The following MED12L variants were observed in gnomAD, a reference collection of about 807,000 sequenced individuals.
MED12L encodes mediator of RNA polymerase II transcription subunit 12-like protein.
MED12L carries 60 observed loss-of-function variants against 281.3 expected under a neutral mutation model. The ratio of observed to expected loss-of-function variants is 0.21; its 90% CI spans 0.17 to 0.26. The LOEUF (loss-of-function observed/expected upper bound fraction) is 0.26. Ranked by LOEUF, MED12L falls within the 10% of genes least tolerant of loss-of-function variation. The pLI is 1.00. For synonymous variants in MED12L, 974 were observed against 987.2 expected, an observed-to-expected ratio of 0.99 and a Z score of 0.25; for missense variants, 2,146 against 2,680.9, an observed-to-expected ratio of 0.80 and a Z score of 4.41.
chr3:151,200,681 G>A (rs887902420), intron 16 of MED12L, among the ~76,000 whole-genome samples: 10 of 152,102 alleles, frequency 6.6e-5, no homozygotes, highest in Non-Finnish European at 1.5e-4. Flanking sequence ...GCTGCTTAAA[G>A]GCTACATGCC....
intron 16 of MED12L, among the ~76,000 whole-genome samples, chr3:151,229,565 G>A (rs867082552): frequency 4.9e-5 from 7 of 143,570 alleles, no homozygotes; most frequent in Non-Finnish European, 9.0e-5. Flanking sequence ...TGCAAGATCC[G>A]CCTCCCGGGT....
chr3:151,205,548 A>C (rs1400805415), intron 16 of MED12L, among the ~76,000 whole-genome samples: 1 of 152,162 alleles, frequency 6.6e-6, no homozygotes, highest in African/African-American at 2.4e-5. Flanking sequence ...CATGGAAGCC[A>C]TTTGGAACTA....
At chr3:151,351,818 T>C (rs1202816994) in intron 17 of MED12L, among the ~76,000 whole-genome samples, 3 of 152,188 alleles carry the variant, frequency 2.0e-5, no homozygotes, top group South Asian at 2.1e-4. Flanking sequence ...CAATGTGGTA[T>C]CCTTTTCTGT....
intron 16 of MED12L, among the ~76,000 whole-genome samples, chr3:151,309,965 A>G (rs1359387356): frequency 6.6e-6 from 1 of 152,150 alleles, no homozygotes; most frequent in Non-Finnish European, 1.5e-5. Context: ...AGACAAGAGT[A>G]GGAATTGGCC....
At chr3:151,287,372 G>T (rs530350716) in intron 16 of MED12L, among the ~76,000 whole-genome samples, 1 of 152,320 alleles carries the variant, frequency 6.6e-6, no homozygotes, top group South Asian at 2.1e-4. Context: ...TACCAGGCCA[G>T]GCAGGGCAGA....
At chr3:151,426,338 T>G (rs550712444) in intron 43 of MED12L, among the ~76,000 whole-genome samples, 1 of 152,318 alleles carries the variant, frequency 6.6e-6, no homozygotes, top group South Asian at 2.1e-4. Context: ...GTTCAGTTCT[T>G]CACAGGAGGG....
At chr3:151,214,398 C>G (rs1727786028) in intron 16 of MED12L, 2 of 1,200,764 alleles carry the variant, frequency 1.7e-6, no homozygotes, top group Non-Finnish European at 2.4e-6. Context: ...AAGACATTTG[C>G]TGAGTAATAA....
At chr3:151,287,483 C>T (rs899314233) in intron 16 of MED12L, among the ~76,000 whole-genome samples, 50 of 152,100 alleles carry the variant, frequency 3.3e-4, no homozygotes, top group African/African-American at 1.2e-3. Context: ...AGTTCAGGGG[C>T]CTGGGTATAT....
chr3:151,302,163 A>T (rs1479315022), intron 16 of MED12L, among the ~76,000 whole-genome samples: 2 of 152,220 alleles, frequency 1.3e-5, no homozygotes, highest in Non-Finnish European at 2.9e-5. Context: ...TTTAGGTGAA[A>T]TGTCCAGGAA....
At chr3:151,217,329 G>A (rs1221586917) in intron 16 of MED12L, among the ~76,000 whole-genome samples, 1 of 152,106 alleles carries the variant, frequency 6.6e-6, no homozygotes, top group African/African-American at 2.4e-5. Flanking sequence ...CAGTATTTCT[G>A]CATGTGACCT....
intron 16 of MED12L, among the ~76,000 whole-genome samples, chr3:151,220,723 C>A (rs1369012229): frequency 6.6e-6 from 1 of 152,188 alleles, no homozygotes; most frequent in Non-Finnish European, 1.5e-5. Flanking sequence ...AGGCCTCCCA[C>A]CATGTGGAAC....
chr3:151,313,677 C>T (rs1021949876), intron 16 of MED12L, among the ~76,000 whole-genome samples: 2 of 152,108 alleles, frequency 1.3e-5, no homozygotes, highest in Non-Finnish European at 2.9e-5. Context: ...AACCCCGTCT[C>T]TACTAAAAAT....
intron 5 of MED12L, among the ~76,000 whole-genome samples, chr3:151,154,251 A>G (rs534844867): frequency 1.3e-5 from 2 of 152,168 alleles, no homozygotes; most frequent in Non-Finnish European, 1.5e-5. Flanking sequence ...AGTTAAATAC[A>G]CTTAAAGCAC....
intron 30 of MED12L, 67 bp downstream of exon 30, chr3:151,377,245 G>A (rs1756961305): frequency 7.5e-7 from 1 of 1,326,652 alleles, no homozygotes. Flanking sequence ...ATTTTGTGTA[G>A]CACAGTGATT....
intron 3 of MED12L, 55 bp from the exon 4 acceptor site, chr3:151,122,728 A>T: frequency 7.9e-7 from 1 of 1,261,736 alleles, no homozygotes; most frequent in Non-Finnish European, 1.1e-6. Flanking sequence ...AATGTACAGT[A>T]CTAAGCTACT....
chr3:151,336,096 A>C (rs1750941773), intron 16 of MED12L, among the ~76,000 whole-genome samples: 1 of 152,114 alleles, frequency 6.6e-6, no homozygotes, highest in South Asian at 2.1e-4. Context: ...CATTTTTGTT[A>C]TATGCAAAAG....
rs564723015 is a variant in MED12L at position 151,284,498 on chromosome 3, A to G, written c.2251-65561A>G. On this transcript the variant is annotated intron_variant, in intron 16 of 44. Coordinates refer to ENST00000687756, the MANE Select transcript of MED12L (RefSeq NM_001393769.1). Reference sequence around the variant, plus strand: ...GCTGTAGAGAGCTGCATATCTTTATAATTAATAATTTGAGCACAACAGTTA... The same window carrying G: ...GCTGTAGAGAGCTGCATATCTTTATGATTAATAATTTGAGCACAACAGTTA... 8.9e-4 allele frequency among the ~76,000 whole-genome samples: 136 copies of G among 152,374 alleles called. 1 individual carries two copies. The highest frequency in any genetic ancestry group is 1.9e-3 in the Non-Finnish European group (126 of 68,032).
chr3:151,256,849 G>GTTTTTTTTTT (rs527914597), intron 16 of MED12L, among the ~76,000 whole-genome samples: 1 of 138,790 alleles, frequency 7.2e-6, no homozygotes, highest in Non-Finnish European at 1.6e-5. Context: ...AATGACAGAG[G>GTTTTTTTTTT]TTTTTTTTTT....
In MED12L at chr3:151,436,487, A is replaced by AGTTT. The variant is rs1006026605; in HGVS notation, c.*3688_*3691dup. Reference sequence around the variant, plus strand: ...CAAAATAAAAGTGCCTTAAGTTAAAAGTTTGTTTTGAGATCCATTAAATAA... The same window carrying AGTTT: ...CAAAATAAAAGTGCCTTAAGTTAAAAGTTTGTTTGTTTTGAGATCCATTAAATAA... On this transcript the variant is annotated 3_prime_UTR_variant, in exon 45 of 45. Transcript: ENST00000687756. 1.3e-5 allele frequency: 6 copies of AGTTT among 445,292 alleles called. No individual in the cohort carries two copies. Among genetic ancestry groups the AGTTT allele is most frequent in the Admixed American group, 7.9e-5 (2 of 25,306 alleles). 27.6% of individuals were successfully genotyped at this position (445,292 alleles called of 1,614,324 possible).
Sources: gnomAD v4.1 joint callset for allele counts (sites outside exome capture counted in the v4.1 genomes callset) on GRCh38, gnomAD v4.1.1 for gene constraint, MANE v1.5 for transcripts, NCBI Gene and HGNC (gene_info 2026-07-23, HGNC 2026-07-21) for gene names.